Variants in SATB2 observed in about 807,000 individuals in gnomAD.
SATB2 encodes SATB homeobox 2, also known as DNA-binding protein SATB2.
A neutral mutation model predicts 73.4 loss-of-function variants in SATB2; 1 was observed. The ratio of observed to expected loss-of-function variants is 0.01; its 90% CI spans 0.00 to 0.06. The LOEUF is 0.06. Ranked by LOEUF, SATB2 falls within the 10% of genes least tolerant of loss-of-function variation. SATB2 has a pLI of 1.00. For synonymous variants in SATB2, 397 were observed against 367.0 expected (o/e 1.08, Z -0.93); for missense variants, 459 against 945.8 (o/e 0.49, Z 6.75).
chr2:199,329,049 G>A (rs756324934), intron 7 of SATB2, 139 bp from the exon 8 acceptor site: 3 of 715,986 alleles, frequency 4.2e-6, no homozygotes, highest in Non-Finnish European at 7.5e-6. Context: ...AATTCCTTAG[G>A]GTTCTCCGAT....
rs765504446 is a variant in SATB2, at chr2:199,348,802, C to T, written c.1072G>A (p.Val358Met). The change falls in exon 7 of 11, where the codon GTG becomes ATG. Residue 358 changes from valine to methionine, a missense_variant. By Grantham distance (21) the Val-to-Met change is conservative. Coordinates refer to ENST00000417098, the MANE Select transcript of SATB2 (RefSeq NM_001172509.2). ...TGGTAGATATCTGGAGAGACTTCCA[C>T]GGAAGAGTTGGTTGGCTCTGGCTTA... The part of the protein sequence containing the change: ...AVKPEPTNSS[V>M]EVSPDIYQQV... 6.2e-6 allele frequency: 10 copies of T among 1,612,168 alleles called. No individual in the cohort carries two copies. Among genetic ancestry groups the T allele is most frequent in the Non-Finnish European group, 6.8e-6 (8 of 1,178,446 alleles).
chr2:199,393,788 C>T (rs1690218712), intron 3 of SATB2, among the ~76,000 whole-genome samples: 1 of 151,898 alleles, frequency 6.6e-6, no homozygotes, highest in Non-Finnish European at 1.5e-5. Flanking sequence ...AGGAAGGGCT[C>T]ATTTTTAAAA....
intron 9 of SATB2, among the ~76,000 whole-genome samples, chr2:199,316,921 C>T (rs1474157651): frequency 6.6e-6 from 1 of 151,986 alleles, no homozygotes; most frequent in African/African-American, 2.4e-5. Context: ...ATGCACTAGG[C>T]TAAAATATCA....
intron 10 of SATB2, among the ~76,000 whole-genome samples, chr2:199,291,692 C>A (rs929462581): frequency 6.6e-6 from 1 of 152,062 alleles, no homozygotes; most frequent in East Asian, 1.9e-4. Context: ...GCGGGTGGAT[C>A]ACCTGAGGTC....
intron 9 of SATB2, among the ~76,000 whole-genome samples, chr2:199,309,544 G>A (rs552531405): frequency 1.3e-5 from 2 of 152,234 alleles, no homozygotes; most frequent in East Asian, 1.9e-4. Context: ...TCACCTTCCC[G>A]CAACAGCCAC....
chr2:199,318,310 A>G (rs1687790855), intron 9 of SATB2, among the ~76,000 whole-genome samples: 1 of 152,076 alleles, frequency 6.6e-6, no homozygotes, highest in African/African-American at 2.4e-5. Flanking sequence ...ACTTAATAAT[A>G]TAAGATCAAC....
At chr2:199,295,506 A>G (rs1337193263) in intron 10 of SATB2, among the ~76,000 whole-genome samples, 3 of 152,138 alleles carry the variant, frequency 2.0e-5, no homozygotes, top group East Asian at 1.9e-4. Context: ...TGCCAATGGT[A>G]TAACAACCAG....
In SATB2 at chr2:199,308,949, C is replaced by A. The variant is rs760937399; in HGVS notation, c.1551G>T (p.Leu517=). The change falls in exon 10 of 11, where the codon CTG becomes CTT. Residue 517 remains leucine (L), a synonymous_variant. Transcript: ENST00000417098. The surrounding 1 kb of genome is among the most constrained non-coding windows in gnomAD (Gnocchi z 4.6). ...KVAANKSQGW[L]CELLRWKENP... ...TCTCCTTCCAGCGGAGCAGTTCACA[C>A]AGCCAGCCCTGTAGAGAGAGGAGGT... 7.2e-5 allele frequency: 116 copies of A among 1,614,010 alleles called. No individual in the cohort carries two copies. The highest frequency in any genetic ancestry group is 9.2e-5 in the Non-Finnish European group (109 of 1,180,004).
At chr2:199,311,029 A>G (rs1307426824) in intron 9 of SATB2, among the ~76,000 whole-genome samples, 2 of 152,218 alleles carry the variant, frequency 1.3e-5, no homozygotes, top group Non-Finnish European at 2.9e-5. Context: ...GTCTGCCATC[A>G]GTCTTTAAGA....
chr2:199,372,158 A>G (rs1304082540), intron 5 of SATB2, among the ~76,000 whole-genome samples: 1 of 152,214 alleles, frequency 6.6e-6, no homozygotes, highest in Non-Finnish European at 1.5e-5. Context: ...CATTGTAGTT[A>G]ATTATGAAAT....
chr2:199,390,557 T>C (rs1690099533), intron 3 of SATB2, among the ~76,000 whole-genome samples: 1 of 152,150 alleles, frequency 6.6e-6, no homozygotes, highest in South Asian at 2.1e-4. Context: ...TAAAATATCT[T>C]CAATAATCAA....
chr2:199,430,028 A>G (rs1205768602), intron 3 of SATB2, among the ~76,000 whole-genome samples: 2 of 152,232 alleles, frequency 1.3e-5, no homozygotes, highest in African/African-American at 4.8e-5. Flanking sequence ...AAGCACAGTG[A>G]GGCATTACCT....
intron 3 of SATB2, among the ~76,000 whole-genome samples, chr2:199,409,062 C>T (rs1690725954): frequency 6.6e-6 from 1 of 151,936 alleles, no homozygotes; most frequent in Non-Finnish European, 1.5e-5. Flanking sequence ...GTGATCTATA[C>T]TTCAGTAGAC....
chr2:199,448,611 A>G (rs974127019), intron 2 of SATB2, among the ~76,000 whole-genome samples: 1 of 152,152 alleles, frequency 6.6e-6, no homozygotes, highest in Non-Finnish European at 1.5e-5. Context: ...TGCTCTAACT[A>G]GAGTCTCTTA....
intron 2 of SATB2, among the ~76,000 whole-genome samples, chr2:199,442,868 AATTC>A (rs1691860102): frequency 1.3e-5 from 2 of 152,156 alleles, no homozygotes; most frequent in African/African-American, 2.4e-5. Context: ...TTCAAGCCTA[AATTC>A]TTCAGGTTCT....
At chr2:199,346,554 C>T (rs1018390134) in intron 7 of SATB2, among the ~76,000 whole-genome samples, 12 of 152,122 alleles carry the variant, frequency 7.9e-5, no homozygotes, top group African/African-American at 2.9e-4. Flanking sequence ...ACCAGAGATC[C>T]AACACACTTT....
chr2:199,365,883 A>G (rs934577397), intron 6 of SATB2, among the ~76,000 whole-genome samples: 2 of 151,824 alleles, frequency 1.3e-5, no homozygotes, highest in Admixed American at 6.6e-5. Context: ...CCGTTTATTT[A>G]TTTCTATGAG....
At chr2:199,427,973 T>C (rs1030730732) in intron 3 of SATB2, among the ~76,000 whole-genome samples, 3 of 152,186 alleles carry the variant, frequency 2.0e-5, no homozygotes, top group Admixed American at 6.5e-5. Flanking sequence ...CTTGGTATTT[T>C]GGTTTCAAAT....
chr2:199,420,815 G>A (rs1422120225), intron 3 of SATB2, among the ~76,000 whole-genome samples: 2 of 151,896 alleles, frequency 1.3e-5, no homozygotes, highest in African/African-American at 4.8e-5. Context: ...ATGTTAAATC[G>A]ATATCTCATT....
Sources: gnomAD v4.1 joint callset for allele counts (sites outside exome capture counted in the v4.1 genomes callset) on GRCh38, gnomAD v4.1.1 for gene constraint, Gnocchi (gnomAD v3.1) non-coding constraint, MANE v1.5 for transcripts, NCBI Gene and HGNC (gene_info 2026-07-23, HGNC 2026-07-21) for gene names.